The following IL7 variants were observed in gnomAD, a reference collection of about 807,000 sequenced individuals.
IL7 encodes the protein interleukin-7.
A neutral mutation model predicts 21.6 loss-of-function variants in IL7; 3 were observed. The ratio of observed to expected loss-of-function variants is 0.14; its 90% CI spans 0.06 to 0.36. The LOEUF is 0.36. Ranked by LOEUF, IL7 falls within the 10% of genes least tolerant of loss-of-function variation. The pLI, the probability that IL7 is intolerant of heterozygous loss-of-function variation, is 1.00. For missense variants in IL7, 175 were observed against 200.2 expected (o/e 0.87, Z 0.76); for synonymous variants, 62 against 68.1 (o/e 0.91, Z 0.44).
chr8:78,779,821 C>T (rs1813262660), intron 2 of IL7, among the ~76,000 whole-genome samples: 1 of 152,102 alleles, frequency 6.6e-6, no homozygotes, highest in African/African-American at 2.4e-5. Flanking sequence ...GGTACCAGCT[C>T]CTCTTTGTAC....
intron 2 of IL7, among the ~76,000 whole-genome samples, chr8:78,794,120 C>T (rs993470367): frequency 5.9e-5 from 9 of 152,160 alleles, no homozygotes; most frequent in Middle Eastern, 3.4e-3. Flanking sequence ...CAACTTCTTC[C>T]GAACTCCTGT....
intron 2 of IL7, among the ~76,000 whole-genome samples, chr8:78,765,739 A>G (rs957689323): frequency 6.6e-6 from 1 of 152,130 alleles, no homozygotes; most frequent in Admixed American, 6.5e-5. Context: ...ATGGGAAGGT[A>G]AACAGTACAG....
intron 2 of IL7, among the ~76,000 whole-genome samples, chr8:78,797,220 A>G (rs1193525172): frequency 2.0e-5 from 3 of 151,994 alleles, no homozygotes; most frequent in African/African-American, 7.2e-5. Context: ...CTACAGAGAC[A>G]TAAACAAATC....
At chr8:78,751,872 A>G (rs1812185605) in intron 2 of IL7, among the ~76,000 whole-genome samples, 2 of 152,140 alleles carry the variant, frequency 1.3e-5, no homozygotes, top group Admixed American at 1.3e-4. Context: ...AATTCCTCCT[A>G]TCTAGTTATA....
intron 3 of IL7, among the ~76,000 whole-genome samples, chr8:78,722,211 A>G (rs910733283): frequency 6.6e-6 from 1 of 151,958 alleles, no homozygotes; most frequent in Non-Finnish European, 1.5e-5. Flanking sequence ...TTCATCTGCA[A>G]TATTTAATCT....
At chr8:78,796,054 T>G (rs1813843035) in intron 2 of IL7, among the ~76,000 whole-genome samples, 1 of 152,076 alleles carries the variant, frequency 6.6e-6, no homozygotes, top group Admixed American at 6.6e-5. Context: ...AGTTTCAATC[T>G]GATTGAAAAG....
At chr8:78,786,544 T>C (rs567077988) in intron 2 of IL7, among the ~76,000 whole-genome samples, 1 of 152,252 alleles carries the variant, frequency 6.6e-6, no homozygotes, top group Non-Finnish European at 1.5e-5. Flanking sequence ...TTTACATCAG[T>C]ATCATCACAA....
intron 2 of IL7, among the ~76,000 whole-genome samples, chr8:78,750,217 T>A (rs1812120734): frequency 6.6e-6 from 1 of 152,000 alleles, no homozygotes; most frequent in Admixed American, 6.6e-5. Flanking sequence ...GGCTGCCCTG[T>A]ACCACCTAAG....
In IL7 at chr8:78,688,024, G is replaced by A. The variant is rs191272799; in HGVS notation, n.215-2077C>T. ...ATAAAATGAGCATGGCTGTGTTTCC[G>A]TAAAACTTCATTTACAAAGACAGGC... On this transcript the variant is annotated intron_variant and non_coding_transcript_variant, in intron 3 of 4. Transcript: ENST00000523959. Among the ~76,000 whole-genome samples, 53 of 148,036 alleles carry A rather than the reference G, an allele frequency of 3.6e-4. 1 individual carries two copies. Among genetic ancestry groups the A allele is most frequent in the South Asian group, 1.7e-3 (8 of 4,766 alleles).
chr8:78,797,876 G>A (rs572137632), intron 2 of IL7, 196 bp downstream of exon 2: 8 of 431,092 alleles, frequency 1.9e-5, no homozygotes, highest in Admixed American at 1.1e-4. Flanking sequence ...TCTTAGAGTC[G>A]AGGAAAGAAT....
intron 2 of IL7, among the ~76,000 whole-genome samples, chr8:78,783,351 C>T (rs189836579): frequency 1.6e-3 from 246 of 152,302 alleles, no homozygotes; most frequent in African/African-American, 5.7e-3. Flanking sequence ...GGATGGGAGT[C>T]CCACTTACCC....
At chr8:78,742,426 G>C (rs1001746662) in intron 2 of IL7, among the ~76,000 whole-genome samples, 1 of 152,098 alleles carries the variant, frequency 6.6e-6, no homozygotes, top group Admixed American at 6.5e-5. Flanking sequence ...TGGAAAATCA[G>C]AAGAGAAAAG....
rs144890546 is a variant in IL7, at chr8:78,767,566, CTT to C, written c.148-27486_148-27485del. ...CTAATGAAAGGGAGGGATTTATCAT[CTT>C]TTTAGCTTTCTCAGTCCTCCCATAA... On this transcript the variant is annotated intron_variant, in intron 2 of 5. Coordinates refer to ENST00000263851, the MANE Select transcript of IL7 (RefSeq NM_000880.4). 7.2e-3 allele frequency among the ~76,000 whole-genome samples: 1,097 copies of C among 152,082 alleles called. 14 individuals carry two copies. Among genetic ancestry groups the C allele is most frequent in the African/African-American group, 0.025 (1,040 of 41,508 alleles).
At chr8:78,693,580 T>C (rs1810294418) in intron 3 of IL7, among the ~76,000 whole-genome samples, 1 of 152,114 alleles carries the variant, frequency 6.6e-6, no homozygotes, top group African/African-American at 2.4e-5. Flanking sequence ...GATGGGGTTG[T>C]TTGTTTTTTT....
In IL7 at chr8:78,800,240, C is replaced by T. The variant is rs537315179; in HGVS notation, c.11-2032G>A. On this transcript the variant is annotated intron_variant, in intron 1 of 5. Coordinates refer to ENST00000263851, the MANE Select transcript of IL7 (RefSeq NM_000880.4). ...GTTTCATCCATTTTGCTGCAAAAGA[C>T]GACTTAACTCTTATGGCTGAGTAGT... 8.6e-4 allele frequency among the ~76,000 whole-genome samples: 131 copies of T among 152,302 alleles called. No homozygotes were observed. In the South Asian group the frequency reaches 9.5e-3, roughly 11 times the overall value.
chr8:78,723,230 A>G (rs780979640), intron 3 of IL7, among the ~76,000 whole-genome samples: 1 of 151,770 alleles, frequency 6.6e-6, no homozygotes, highest in Non-Finnish European at 1.5e-5. Flanking sequence ...TGCTATATAT[A>G]GGAAGAAAAA....
chr8:78,794,660 C>T (rs749845118), intron 2 of IL7, among the ~76,000 whole-genome samples: 1 of 152,042 alleles, frequency 6.6e-6, no homozygotes, highest in Non-Finnish European at 1.5e-5. Flanking sequence ...AACTTCTACA[C>T]AGGCCAAAAT....
intron 4 of IL7, chr8:78,676,134 A>C: frequency 3.9e-6 from 1 of 259,366 alleles, no homozygotes. Context: ...ATAAAAAAAA[A>C]AAAACAAAAT....
chr8:78,782,125 A>C (rs1027677757), intron 2 of IL7, among the ~76,000 whole-genome samples: 1 of 152,044 alleles, frequency 6.6e-6, no homozygotes, highest in Non-Finnish European at 1.5e-5. Flanking sequence ...ATGTTTTATC[A>C]TGGTTCTTAA....
Sources: allele counts gnomAD v4.1 joint callset (sites outside exome capture counted in the v4.1 genomes callset), GRCh38; gene constraint gnomAD v4.1.1; transcripts MANE v1.5; gene names NCBI Gene and HGNC (gene_info 2026-07-23, HGNC 2026-07-21).